AGMO: variants seen among roughly 807,000 people sequenced by gnomAD.
AGMO encodes alkylglycerol monooxygenase.
A neutral mutation model predicts 60.2 loss-of-function variants in AGMO; 75 were observed. The ratio of observed to expected loss-of-function variants is 1.25; its 90% CI spans 1.03 to 1.51. The LOEUF (loss-of-function observed/expected upper bound fraction) is 1.51, where lower values mean the gene tolerates loss of function less well. Among genes scored for constraint, AGMO ranks in the 40% most tolerant of loss-of-function variants. AGMO has a pLI of 0.00. For missense variants in AGMO, 763 were observed against 525.5 expected (o/e 1.45, Z -4.42); for synonymous variants, 261 against 177.1 (o/e 1.47, Z -3.76).
At chr7:15,197,851 C>G (rs925673097), downstream of AGMO, among the ~76,000 whole-genome samples, 2 of 152,120 alleles carry the variant, frequency 1.3e-5, no homozygotes, top group African/African-American at 4.8e-5. Context: ...ATTCAGATGT[C>G]TGACATCGTG....
intron 3 of AGMO, among the ~76,000 whole-genome samples, chr7:15,523,571 CT>C (rs1167056755): frequency 3.9e-5 from 6 of 152,098 alleles, no homozygotes; most frequent in African/African-American, 1.4e-4. Context: ...TCTCAGCAAA[CT>C]AACACAGGAA....
intron 3 of AGMO, among the ~76,000 whole-genome samples, chr7:15,498,921 A>C (rs1562538023): frequency 6.6e-6 from 1 of 151,970 alleles, no homozygotes; most frequent in Non-Finnish European, 1.5e-5. Context: ...ATCTAATATG[A>C]AACAGTCTCT....
At chr7:15,326,137 C>G (rs1196490905) in intron 12 of AGMO, among the ~76,000 whole-genome samples, 1 of 151,936 alleles carries the variant, frequency 6.6e-6, no homozygotes, top group East Asian at 1.9e-4. Context: ...TTATGATCTC[C>G]TCAAGACACA....
At chr7:15,246,396 C>A (rs1022714476) in intron 12 of AGMO, among the ~76,000 whole-genome samples, 4 of 152,168 alleles carry the variant, frequency 2.6e-5, no homozygotes, top group Non-Finnish European at 5.9e-5. Context: ...CTGATAAAAT[C>A]CTGTTTTTTA....
intron 12 of AGMO, among the ~76,000 whole-genome samples, chr7:15,304,652 G>A (rs1780557482): frequency 6.8e-6 from 1 of 146,856 alleles, no homozygotes; most frequent in Admixed American, 6.7e-5. Flanking sequence ...TCCCTGATTC[G>A]TACTTTATAG....
chr7:15,540,215 C>T (rs554185709), intron 3 of AGMO, among the ~76,000 whole-genome samples: 1 of 152,162 alleles, frequency 6.6e-6, no homozygotes, highest in Non-Finnish European at 1.5e-5. Context: ...ACCCCCAGGT[C>T]TAAGACTCAG....
chr7:15,336,227 G>T (rs1439287326), intron 12 of AGMO, among the ~76,000 whole-genome samples: 1 of 151,794 alleles, frequency 6.6e-6, no homozygotes, highest in Non-Finnish European at 1.5e-5. Flanking sequence ...GATGGCAAAA[G>T]AAATTCATAA....
intron 12 of AGMO, among the ~76,000 whole-genome samples, chr7:15,212,395 T>C (rs904971584): frequency 6.6e-5 from 10 of 151,896 alleles, no homozygotes; most frequent in Non-Finnish European, 1.5e-4. Flanking sequence ...TCACTCTTTT[T>C]TTATGCCAGG....
intron 3 of AGMO, among the ~76,000 whole-genome samples, chr7:15,450,796 T>C (rs1231973101): frequency 6.6e-6 from 1 of 152,192 alleles, no homozygotes; most frequent in African/African-American, 2.4e-5. Context: ...TGCTGACTTA[T>C]TCACTCTCCT....
intron 3 of AGMO, among the ~76,000 whole-genome samples, chr7:15,517,223 G>A (rs1362173139): frequency 2.0e-5 from 3 of 151,740 alleles, no homozygotes; most frequent in Non-Finnish European, 4.4e-5. Context: ...TAATCATAAT[G>A]CAAGACTTTA....
the AGMO span, among the ~76,000 whole-genome samples, chr7:15,142,252 C>T: frequency 6.6e-6 from 1 of 152,130 alleles, no homozygotes; most frequent in Admixed American, 6.6e-5. Context: ...GCCTCTATCC[C>T]ACAGGCTTGG....
At chr7:15,448,677 AT>A (rs1321567941) in intron 3 of AGMO, among the ~76,000 whole-genome samples, 10 of 149,292 alleles carry the variant, frequency 6.7e-5, no homozygotes, top group Non-Finnish European at 1.5e-4. Flanking sequence ...AAATTCTGCC[AT>A]AATTTTAAAT....
At chr7:15,382,360 G>C (rs1011078035) in intron 10 of AGMO, among the ~76,000 whole-genome samples, 3 of 152,030 alleles carry the variant, frequency 2.0e-5, no homozygotes, top group Admixed American at 6.6e-5. Context: ...TGTGCTCGGG[G>C]GAAGTGAGTA....
chr7:15,342,114 A>G (rs961542561), intron 12 of AGMO, among the ~76,000 whole-genome samples: 11 of 144,826 alleles, frequency 7.6e-5, no homozygotes, highest in African/African-American at 2.9e-4. Flanking sequence ...GAAAGCATTT[A>G]AACTCATGTG....
intron 12 of AGMO, among the ~76,000 whole-genome samples, chr7:15,347,773 G>T (rs1394709280): frequency 6.6e-6 from 1 of 151,994 alleles, no homozygotes; most frequent in Admixed American, 6.6e-5. Context: ...GTATAGACAA[G>T]TGTTGTATTT....
chr7:15,542,222 T>G (rs1784648003), intron 3 of AGMO, among the ~76,000 whole-genome samples: 1 of 152,198 alleles, frequency 6.6e-6, no homozygotes, highest in South Asian at 2.1e-4. Flanking sequence ...TCCTACTAGC[T>G]TTCCATTACA....
chr7:15,484,266 A>G (rs1782851399), intron 3 of AGMO, among the ~76,000 whole-genome samples: 1 of 152,192 alleles, frequency 6.6e-6, no homozygotes, highest in Non-Finnish European at 1.5e-5. Context: ...ATCATTATAG[A>G]TCATCAGCTA....
intron 12 of AGMO, among the ~76,000 whole-genome samples, chr7:15,286,730 T>C (rs1784110860): frequency 6.6e-6 from 1 of 152,026 alleles, no homozygotes; most frequent in Admixed American, 6.6e-5. Flanking sequence ...TGGGTATCTC[T>C]CCAAAGGAAA....
At chr7:15,368,395 G>A (rs1042547194) in intron 10 of AGMO, among the ~76,000 whole-genome samples, 2 of 151,912 alleles carry the variant, frequency 1.3e-5, no homozygotes, top group Non-Finnish European at 2.9e-5. Flanking sequence ...TGGTTTTGGC[G>A]GGGAAAAATT....
Sources: gnomAD v4.1 joint callset for allele counts (sites outside exome capture counted in the v4.1 genomes callset) on GRCh38, gnomAD v4.1.1 for gene constraint, MANE v1.5 for transcripts, NCBI Gene and HGNC (gene_info 2026-07-23, HGNC 2026-07-21) for gene names.